Variants in ESR2 observed in about 807,000 individuals in gnomAD.
ESR2 encodes the protein estrogen receptor beta.
ESR2 carries 36 observed loss-of-function variants against 49.6 expected under a neutral mutation model. That is an observed-to-expected ratio of 0.73 (90% CI 0.56 to 0.96). The LOEUF (loss-of-function observed/expected upper bound fraction) is 0.96. Among genes scored for constraint, ESR2 ranks in the 40% least tolerant of loss-of-function variants. ESR2 has a pLI of 0.00. For missense variants in ESR2, 714 were observed against 693.0 expected (o/e 1.03, Z -0.34); for synonymous variants, 320 against 266.1 (o/e 1.20, Z -1.97).
intron 7 of ESR2, among the ~76,000 whole-genome samples, chr14:64,247,007 C>T (rs2075874372): frequency 6.6e-6 from 1 of 152,100 alleles, no homozygotes; most frequent in African/African-American, 2.4e-5. Context: ...TTCATTCTCC[C>T]TCACCCAGTT....
intron 1 of ESR2, among the ~76,000 whole-genome samples, chr14:64,318,150 G>A (rs1048556609): frequency 2.0e-5 from 3 of 152,114 alleles, no homozygotes; most frequent in African/African-American, 4.8e-5. Context: ...ATTACAGCAA[G>A]GTTGCAAAAT....
intron 4 of ESR2, among the ~76,000 whole-genome samples, chr14:64,261,239 C>CTTTTTTTTTT (rs58982771): frequency 2.2e-4 from 28 of 127,096 alleles, no homozygotes; most frequent in Non-Finnish European, 3.3e-4. Context: ...TTTCTTTTTT[C>CTTTTTTTTTT]TTTTTTTTTT....
At chr14:64,266,548 A>C (rs897167971) in intron 4 of ESR2, among the ~76,000 whole-genome samples, 1 of 152,252 alleles carries the variant, frequency 6.6e-6, no homozygotes, top group African/African-American at 2.4e-5. Flanking sequence ...ATCATTTTTT[A>C]AACACACACA....
intron 7 of ESR2, among the ~76,000 whole-genome samples, chr14:64,246,767 A>C (rs958308811): frequency 5.6e-5 from 7 of 125,760 alleles, no homozygotes; most frequent in South Asian, 2.7e-4. Flanking sequence ...AAAAAAAAAA[A>C]CACACCTGGC....
intron 7 of ESR2, among the ~76,000 whole-genome samples, chr14:64,240,479 A>G (rs1443604404): frequency 6.6e-6 from 1 of 152,194 alleles, no homozygotes; most frequent in Non-Finnish European, 1.5e-5. Flanking sequence ...CATTTAGCCT[A>G]CAAACTTTGC....
At chr14:64,311,038 T>C (rs2077182535) in intron 1 of ESR2, among the ~76,000 whole-genome samples, 1 of 152,298 alleles carries the variant, frequency 6.6e-6, no homozygotes, top group African/African-American at 2.4e-5. Flanking sequence ...TTTTATCATA[T>C]TAGATTTTTA....
chr14:64,316,959 T>A (rs1052097303), intron 1 of ESR2, among the ~76,000 whole-genome samples: 1 of 152,118 alleles, frequency 6.6e-6, no homozygotes, highest in African/African-American at 2.4e-5. Context: ...GGCCATTCTT[T>A]CATTGCTATA....
At chr14:64,289,808 C>T (rs1472930214) in intron 1 of ESR2, among the ~76,000 whole-genome samples, 1 of 152,170 alleles carries the variant, frequency 6.6e-6, no homozygotes, top group Admixed American at 6.5e-5. Context: ...ATTCCTGATG[C>T]CATATTCTCA....
intron 7 of ESR2, among the ~76,000 whole-genome samples, chr14:64,235,935 C>T (rs1314814092): frequency 6.6e-6 from 1 of 152,162 alleles, no homozygotes; most frequent in Admixed American, 6.5e-5. Flanking sequence ...ATCTCCTCCC[C>T]CCGACCCCTG....
Position 64,257,296 on chromosome 14 carries a change from T to A in ESR2, c.1021A>T (p.Met341Leu). ...LESCWMEVLMMGLMWRSIDHP... is the reference protein window; with the variant it reads ...LESCWMEVLMLGLMWRSIDHP... ...TCAATTGAGCGCCACATCAGCCCCATCATTAACACCTCCATCCAACAGCTC... is the reference window on the plus strand; with the variant it reads ...TCAATTGAGCGCCACATCAGCCCCAACATTAACACCTCCATCCAACAGCTC... Residue 341 changes from methionine to leucine, a missense_variant, in exon 6 of 9, where the codon ATG (methionine) becomes TTG (leucine). By Grantham distance (15) the Met-to-Leu change is conservative (BLOSUM62 2). Transcript: ENST00000341099. 1 of 1,614,052 alleles carries A rather than the reference T, an allele frequency of 6.2e-7. No individual in the cohort carries two copies. The highest frequency in any genetic ancestry group is 1.3e-5 in the African/African-American group (1 of 75,016).
intron 7 of ESR2, among the ~76,000 whole-genome samples, chr14:64,245,801 TAAC>T (rs2075842856): frequency 6.6e-6 from 1 of 152,316 alleles, no homozygotes; most frequent in South Asian, 2.1e-4. Flanking sequence ...TAAAGTGTTG[TAAC>T]AACAAGCAAA....
rs867229958 is a variant in ESR2, at chr14:64,305,692, A to T, written c.-90-22617T>A. Among the ~76,000 whole-genome samples, 5 of 151,886 alleles carry T rather than the reference A, an allele frequency of 3.3e-5. No homozygotes were observed. In the South Asian group the frequency reaches 8.3e-4, roughly 25 times the overall value. ...TCTCAATAAATAAATAAATAAATAA[A>T]ATATATATACTATATAAAATGCTTT... is the stretch of plus-strand genomic sequence containing the variant. On this transcript the variant is annotated intron_variant, in intron 1 of 8. Transcript: ENST00000358599.
intron 1 of ESR2, among the ~76,000 whole-genome samples, chr14:64,305,906 G>A (rs1392007170): frequency 6.6e-6 from 1 of 151,302 alleles, no homozygotes; most frequent in Non-Finnish European, 1.5e-5. Context: ...TCTGAAGCAA[G>A]AAAATGGGAC....
chr14:64,248,456 T>C (rs1298632794), intron 7 of ESR2, among the ~76,000 whole-genome samples: 2 of 139,878 alleles, frequency 1.4e-5, no homozygotes, highest in Non-Finnish European at 3.0e-5. Flanking sequence ...CAGTGAGCTA[T>C]GATCATGCCA....
Position 64,279,983 on chromosome 14 carries a change from T to C in ESR2, c.533A>G (p.Gln178Arg). 6.2e-7 allele frequency: 1 copy of C among 1,613,196 alleles called. No homozygotes were observed. The highest frequency in any genetic ancestry group is 2.2e-5 in the East Asian group (1 of 44,878). ...AGCAGTTAACAATTCTCTTGTACCT[T>C]GAATGCTTCTTTTAAAAAAGGCCTT... Reference protein sequence around the residue: ...GCKAFFKRSIQGHNDYICPAT... With the variant: ...GCKAFFKRSIRGHNDYICPAT... Residue 178 changes from glutamine (Q) to arginine (R), a missense_variant and splice_region_variant, in exon 3 of 9, where the codon CAA (glutamine) becomes CGA (arginine). Physicochemically the swap from Gln to Arg is conservative, Grantham distance 43. Transcript: ENST00000341099.
intron 3 of ESR2, among the ~76,000 whole-genome samples, chr14:64,274,768 C>T (rs1374071954): frequency 1.3e-5 from 2 of 152,112 alleles, no homozygotes; most frequent in Non-Finnish European, 2.9e-5. Flanking sequence ...CTTAGTACTG[C>T]TTTCACTGTA....
chr14:64,274,572 G>A (rs1306123945), intron 3 of ESR2, among the ~76,000 whole-genome samples: 1 of 151,712 alleles, frequency 6.6e-6, no homozygotes, highest in Non-Finnish European at 1.5e-5. Flanking sequence ...TCAATCTTTT[G>A]TGTTGTTTTC....
rs72722333 is a variant in ESR2, at chr14:64,306,889, G to A, written c.-90-23814C>T. Among the ~76,000 whole-genome samples the A allele has an allele frequency of 9.4e-3, 1,434 of 152,292 alleles. 8 individuals are homozygous for A. The highest frequency in any genetic ancestry group is 0.015 in the Non-Finnish European group (997 of 68,018). On this transcript the variant is annotated intron_variant, in intron 1 of 8. Transcript: ENST00000358599. ...TAATCATTTGGTATAATTCACCACT[G>A]AAGCCATCTGGGCTTGGAGTTTTCC...
At position 64,305,502 on chromosome 14, in the gene ESR2, C is replaced by T. The variant is rs960697975; in HGVS notation, c.-90-22427G>A. ...TGGCTAACACAGTGAAACCCCATCT[C>T]TACTAAAAATACAAAAAAATTAGGC... is the stretch of plus-strand genomic sequence containing the variant. On this transcript the variant is annotated intron_variant, in intron 1 of 8. Coordinates refer to the ESR2 transcript ENST00000358599. Among the ~76,000 whole-genome samples, 4 of 151,510 alleles carry T rather than the reference C, an allele frequency of 2.6e-5. No homozygotes were observed. The East Asian group carries it at 7.8e-4, about 30-fold the overall frequency.
Sources: gnomAD v4.1 joint callset for allele counts (sites outside exome capture counted in the v4.1 genomes callset) on GRCh38, gnomAD v4.1.1 for gene constraint, MANE v1.5 for transcripts, NCBI Gene and HGNC (gene_info 2026-07-23, HGNC 2026-07-21) for gene names.